Variants in NUP210L observed in about 807,000 individuals in gnomAD.
The protein encoded by NUP210L is nuclear pore membrane glycoprotein 210-like.
NUP210L carries 74 observed loss-of-function variants against 208.5 expected under a neutral mutation model. The observed-to-expected ratio is 0.35, with a 90% CI of 0.29 to 0.43. NUP210L has a LOEUF of 0.43. Ranked by LOEUF, NUP210L falls within the 20% of genes least tolerant of loss-of-function variation. NUP210L has a pLI of 1.00. For missense variants in NUP210L, 1,843 were observed against 2,289.4 expected (o/e 0.81, Z 3.98); for synonymous variants, 780 against 816.9 (o/e 0.95, Z 0.77).
At chr1:154,121,781 C>A (rs1464438970) in intron 10 of NUP210L, among the ~76,000 whole-genome samples, 1 of 151,754 alleles carries the variant, frequency 6.6e-6, no homozygotes, top group Non-Finnish European at 1.5e-5. Context: ...GCAGGAGAAT[C>A]ACTTGAACCC....
chr1:154,147,023 G>T (rs1239618300), intron 2 of NUP210L, among the ~76,000 whole-genome samples: 1 of 152,038 alleles, frequency 6.6e-6, no homozygotes, highest in African/African-American at 2.4e-5. Context: ...TAGAGACAGG[G>T]TCTCACTTTG....
chr1:153,995,782 G>A, intron 37 of NUP210L: 1 of 665,838 alleles, frequency 1.5e-6, no homozygotes, highest in Non-Finnish European at 2.8e-6. Context: ...CATGTGCCCA[G>A]GCAGACTTCA....
intron 37 of NUP210L, among the ~76,000 whole-genome samples, chr1:153,996,542 C>A (rs1400464574): frequency 6.6e-6 from 1 of 151,678 alleles, no homozygotes; most frequent in African/African-American, 2.4e-5. Context: ...TTGTCTCAGC[C>A]TCCCTAGTAG....
chr1:154,138,658 T>C (rs1397337941), intron 5 of NUP210L, among the ~76,000 whole-genome samples: 1 of 152,180 alleles, frequency 6.6e-6, no homozygotes, highest in African/African-American at 2.4e-5. Flanking sequence ...GCAAGGTTGG[T>C]AGGCTTCTCT....
intron 32 of NUP210L, among the ~76,000 whole-genome samples, chr1:154,021,271 C>T (rs1163434780): frequency 2.6e-5 from 4 of 152,150 alleles, no homozygotes; most frequent in African/African-American, 9.7e-5. Context: ...GTACTTAGGA[C>T]AGAAATGCTT....
intron 29 of NUP210L, 52 bp from the exon 30 acceptor site, chr1:154,025,768 A>G (rs779147812): frequency 6.6e-7 from 1 of 1,510,390 alleles, no homozygotes; most frequent in Non-Finnish European, 9.0e-7. Context: ...GTCTGACCAG[A>G]GAGAAAAGAG....
intron 24 of NUP210L, 125 bp from the exon 25 acceptor site, chr1:154,054,532 T>C (rs1653703432): frequency 1.1e-6 from 1 of 895,258 alleles, no homozygotes; most frequent in African/African-American, 1.7e-5. Flanking sequence ...ACATATCCCA[T>C]ATCAACTCAA....
At chr1:154,001,830 A>C in exon 36 of NUP210L, 1 of 1,614,160 alleles carries the variant, frequency 6.2e-7, no homozygotes, top group Non-Finnish European at 8.5e-7. Flanking sequence ...TTAATATAAA[A>C]GGCTGGGATG....
intron 28 of NUP210L, among the ~76,000 whole-genome samples, chr1:154,028,727 T>C (rs1463577980): frequency 6.6e-6 from 1 of 152,124 alleles, no homozygotes; most frequent in Admixed American, 6.6e-5. Flanking sequence ...GAAGGGAGTG[T>C]GTGTGCTACA....
At chr1:154,079,249 A>C (rs1193852975) in intron 16 of NUP210L, among the ~76,000 whole-genome samples, 1 of 152,146 alleles carries the variant, frequency 6.6e-6, no homozygotes, top group East Asian at 1.9e-4. Flanking sequence ...ATAGAGTGAA[A>C]ACCTATCTCA....
intron 7 of NUP210L, among the ~76,000 whole-genome samples, chr1:154,134,882 C>T (rs1432029831): frequency 1.3e-5 from 2 of 151,854 alleles, no homozygotes; most frequent in Non-Finnish European, 1.5e-5. Context: ...GGATTACAGG[C>T]ATGCACCACC....
chr1:154,036,155 G>A (rs1410491933), intron 27 of NUP210L, among the ~76,000 whole-genome samples: 1 of 151,848 alleles, frequency 6.6e-6, no homozygotes, highest in East Asian at 1.9e-4. Flanking sequence ...TCATTCAGGA[G>A]CATATTGTTT....
intron 25 of NUP210L, among the ~76,000 whole-genome samples, chr1:154,052,268 G>A (rs377675787): frequency 7.9e-4 from 121 of 152,252 alleles, no homozygotes; most frequent in African/African-American, 2.2e-3. Flanking sequence ...ATCAACAGCC[G>A]ATTTGGATAC....
chr1:153,999,652 G>A (rs745485635), intron 37 of NUP210L, among the ~76,000 whole-genome samples: 21 of 146,434 alleles, frequency 1.4e-4, no homozygotes, highest in Admixed American at 3.5e-4. Context: ...CGGGAGAATC[G>A]CTTGAACTTG....
At chr1:154,058,067 G>C in intron 22 of NUP210L, 22 bp downstream of exon 22, 1 of 1,613,474 alleles carries the variant, frequency 6.2e-7, no homozygotes, top group South Asian at 1.1e-5. Flanking sequence ...GAGTGGGAAG[G>C]AAGTATTGAA....
chr1:154,129,309 C>G (rs1557998356), exon 8 of NUP210L: 1 of 1,610,920 alleles, frequency 6.2e-7, no homozygotes, highest in Non-Finnish European at 8.5e-7. Flanking sequence ...ATATATGGTG[C>G]AATTTGGGAG....
intron 27 of NUP210L, 93 bp downstream of exon 27, chr1:154,045,976 C>T: frequency 8.8e-7 from 1 of 1,135,538 alleles, no homozygotes; most frequent in Non-Finnish European, 1.2e-6. Flanking sequence ...CAGAGTGAGA[C>T]CTCATCTCAA....
In NUP210L at chr1:154,154,975, G is replaced by A. The variant is rs750217699; in HGVS notation, c.70C>T (p.Leu24Phe). 35 of 1,614,032 alleles carry A rather than the reference G, an allele frequency of 2.2e-5. 1 individual carries two copies. The South Asian group carries it at 3.5e-4, about 16-fold the overall frequency. ...CGCAAAACCAGAAACAACAACAGGA[G>A]GCGGTGTAGACGCAAGAAGAAAAAG... The change falls in exon 1 of 40, where the codon CTC becomes TTC. Residue 24 changes from leucine to phenylalanine, a missense_variant. By Grantham distance (22) the Leu-to-Phe change is conservative. This residue lies in a region of NUP210L where 542 missense variants were observed against 606.4 expected (regional missense o/e 0.89). Transcript: ENST00000368559.
At position 154,012,427 on chromosome 1, in the gene NUP210L, C is replaced by T. The variant is rs1650979742; in HGVS notation, c.4654-57G>A. On this transcript the variant is annotated intron_variant, in intron 33 of 39. Coordinates refer to ENST00000368559, the Ensembl canonical transcript of NUP210L. Reference sequence around the variant, plus strand: ...AAGTTCCTAGAGAATCTGACTCCTTCCAGATCCACCCCTCATAACTTATTT... The same window carrying T: ...AAGTTCCTAGAGAATCTGACTCCTTTCAGATCCACCCCTCATAACTTATTT... 3 of 1,545,948 alleles carry T rather than the reference C, an allele frequency of 1.9e-6. No homozygotes were observed. In the Admixed American group the frequency reaches 5.6e-5, roughly 29 times the overall value.
Sources: allele counts gnomAD v4.1 joint callset (sites outside exome capture counted in the v4.1 genomes callset), GRCh38; gene constraint gnomAD v4.1.1; regional missense constraint gnomAD v4.1.1; transcripts MANE v1.5; gene names NCBI Gene and HGNC (gene_info 2026-07-23, HGNC 2026-07-21).